Variants in ELP4 observed in about 807,000 individuals in gnomAD.
ELP4 encodes elongator complex protein 4.
Under a neutral mutation model 48.9 loss-of-function variants are expected in ELP4, and 51 were observed. The observed-to-expected ratio is 1.04, with a 90% confidence interval of 0.83 to 1.32. The LOEUF is 1.32. Ranked by LOEUF, ELP4 falls within the 40% of genes most tolerant of loss-of-function variation. The pLI is 0.00. For missense variants in ELP4, 519 were observed against 514.6 expected, an observed-to-expected ratio of 1.01 and a Z score of -0.08; for synonymous variants, 210 against 189.2, an observed-to-expected ratio of 1.11 and a Z score of -0.90.
chr11:31,570,055 C>T (rs1403363461), intron 3 of ELP4, among the ~76,000 whole-genome samples: 2 of 152,114 alleles, frequency 1.3e-5, no homozygotes, highest in Admixed American at 6.6e-5. Flanking sequence ...AAAGGCACGT[C>T]CATATGTATA....
At chr11:31,578,535 A>T (rs1205218594) in intron 3 of ELP4, among the ~76,000 whole-genome samples, 1 of 152,210 alleles carries the variant, frequency 6.6e-6, no homozygotes, top group Admixed American at 6.5e-5. Context: ...CTGACTTCCA[A>T]CTATACTGCA....
chr11:31,544,403 A>T (rs1213045362), intron 3 of ELP4, among the ~76,000 whole-genome samples: 1 of 152,148 alleles, frequency 6.6e-6, no homozygotes. Context: ...GATTGCTAGC[A>T]CAGCAGTCTG....
At chr11:31,584,298 G>A (rs953634050) in intron 3 of ELP4, among the ~76,000 whole-genome samples, 1 of 151,900 alleles carries the variant, frequency 6.6e-6, no homozygotes, top group Admixed American at 6.6e-5. Context: ...CAAAGGAAAG[G>A]TTGAGAATAT....
At chr11:31,725,627 T>G (rs139494428) in intron 9 of ELP4, among the ~76,000 whole-genome samples, 1,755 of 152,318 alleles carry the variant, frequency 0.012, 27 homozygotes, top group Non-Finnish European at 0.015. Context: ...CCAGCACTTT[T>G]GAAACCAGCT....
At chr11:31,752,916 C>T (rs1947758374) in intron 9 of ELP4, among the ~76,000 whole-genome samples, 1 of 151,552 alleles carries the variant, frequency 6.6e-6, no homozygotes, top group Non-Finnish European at 1.5e-5. Flanking sequence ...AAACAGAATT[C>T]AACAAGGTTG....
At position 31,781,700 on chromosome 11, in the gene ELP4, T is replaced by G. The variant is rs553355251; in HGVS notation, c.1144-1693T>G. 5.7e-4 allele frequency among the ~76,000 whole-genome samples: 87 copies of G among 151,990 alleles called. 1 individual carries two copies. The highest frequency in any genetic ancestry group is 1.9e-3 in the African/African-American group (78 of 41,436). On this transcript the variant is annotated intron_variant, in intron 9 of 9. Coordinates refer to ENST00000640961, the MANE Select transcript of ELP4 (RefSeq NM_019040.5). ...TTTTAGTAGAGACGGGATTTCACCA[T>G]ATTGGCCAGGATGGTCTCCATCTCT... is the stretch of plus-strand genomic sequence containing the variant.
chr11:31,570,250 G>T (rs1403391951), intron 3 of ELP4, among the ~76,000 whole-genome samples: 1 of 152,096 alleles, frequency 6.6e-6, no homozygotes, highest in South Asian at 2.1e-4. Context: ...AACTAACGCA[G>T]AAACAGAAAA....
At chr11:31,512,772 G>A (rs1956031414) in intron 1 of ELP4, among the ~76,000 whole-genome samples, 1 of 151,924 alleles carries the variant, frequency 6.6e-6, no homozygotes, top group Non-Finnish European at 1.5e-5. Flanking sequence ...AATTCTGGCA[G>A]AAATGCCCCC....
chr11:31,610,433 T>G (rs2045796368), intron 5 of ELP4, among the ~76,000 whole-genome samples: 1 of 152,180 alleles, frequency 6.6e-6, no homozygotes, highest in South Asian at 2.1e-4. Flanking sequence ...TGCATCATGC[T>G]GAGGTTTGGG....
At position 31,556,863 on chromosome 11, in the gene ELP4, A is replaced by G. The variant is rs548834110; in HGVS notation, c.381+17080A>G. 3.3e-5 allele frequency among the ~76,000 whole-genome samples: 5 copies of G among 152,032 alleles called. 1 individual carries two copies. Among genetic ancestry groups the G allele is most frequent in the Admixed American group, 3.3e-4 (5 of 15,268 alleles). On this transcript the variant is annotated intron_variant, in intron 3 of 9. Transcript: ENST00000640961. ...TTTTACTCAGGATAGGTACATGATTATCAGCATATTAGAACTACCTTGATG... is the reference window on the plus strand; with the variant it reads ...TTTTACTCAGGATAGGTACATGATTGTCAGCATATTAGAACTACCTTGATG...
chr11:31,658,031 A>G (rs908282867), intron 9 of ELP4, among the ~76,000 whole-genome samples: 3 of 151,984 alleles, frequency 2.0e-5, no homozygotes, highest in Non-Finnish European at 4.4e-5. Context: ...CCGGAGTCAC[A>G]AAACTGATAA....
chr11:31,644,801 T>G (rs1308930727), intron 7 of ELP4, among the ~76,000 whole-genome samples: 1 of 151,780 alleles, frequency 6.6e-6, no homozygotes, highest in Non-Finnish European at 1.5e-5. Flanking sequence ...AACAATTTTT[T>G]TAACTTTTTA....
At chr11:31,772,099 C>G (rs1425448250) in intron 9 of ELP4, among the ~76,000 whole-genome samples, 1 of 151,328 alleles carries the variant, frequency 6.6e-6, no homozygotes, top group East Asian at 1.9e-4. Flanking sequence ...AAGCACCTCT[C>G]ACCACCTGAA....
intron 1 of ELP4, 84 bp downstream of exon 1, chr11:31,510,091 C>A: frequency 1.6e-6 from 2 of 1,261,682 alleles, no homozygotes; most frequent in Non-Finnish European, 2.2e-6. Flanking sequence ...GACCCCACAT[C>A]TCTTTCTGAC....
rs780793923 is a variant in ELP4 at position 31,509,915 on chromosome 11, C to T, written c.131C>T (p.Pro44Leu). The T allele has an allele frequency of 8.7e-6, 14 of 1,614,024 alleles. No homozygotes were observed. In the South Asian group the frequency reaches 1.4e-4, roughly 16 times the overall value. Residue 44 changes from proline to leucine, a missense_variant, in exon 1 of 10, where the codon CCT becomes CTT. Transcript: ENST00000640961. The stretch of plus-strand genomic sequence containing the variant: ...GCCAGCGTGACCAACGACAGCGGCC[C>T]TCGACTGGTGTCCATTGCGGGCACG... ...PRASVTNDSG[P>L]RLVSIAGTRP...
intron 5 of ELP4, among the ~76,000 whole-genome samples, chr11:31,610,394 A>G (rs1004499879): frequency 1.3e-5 from 2 of 152,088 alleles, no homozygotes; most frequent in African/African-American, 4.8e-5. Flanking sequence ...TTCAAAGGGT[A>G]CATTTGCAGG....
At chr11:31,582,603 A>G (rs1427139098) in intron 3 of ELP4, among the ~76,000 whole-genome samples, 1 of 151,964 alleles carries the variant, frequency 6.6e-6, no homozygotes, top group Admixed American at 6.6e-5. Context: ...CTTGAATTTC[A>G]TATTAGATGC....
intron 9 of ELP4, among the ~76,000 whole-genome samples, chr11:31,698,929 A>G (rs1339737358): frequency 1.3e-5 from 2 of 152,208 alleles, no homozygotes; most frequent in Admixed American, 6.5e-5. Context: ...AAAGCCTGCT[A>G]CAGTATAAAA....
chr11:31,554,293 A>C (rs1422749662), intron 3 of ELP4, among the ~76,000 whole-genome samples: 1 of 152,162 alleles, frequency 6.6e-6, no homozygotes, highest in African/African-American at 2.4e-5. Flanking sequence ...CCCTGGTGCC[A>C]AAAAGGTTGG....
Sources: allele counts gnomAD v4.1 joint callset (sites outside exome capture counted in the v4.1 genomes callset), GRCh38; gene constraint gnomAD v4.1.1; transcripts MANE v1.5; gene names NCBI Gene and HGNC (gene_info 2026-07-23, HGNC 2026-07-21).